The following CSMD1 variants were observed in gnomAD, a reference collection of about 807,000 sequenced individuals.
CSMD1 encodes CUB and sushi domain-containing protein 1.
Under a neutral mutation model 417.5 loss-of-function variants are expected in CSMD1, and 213 were observed. The ratio of observed to expected loss-of-function variants is 0.51; its 90% CI spans 0.46 to 0.57. CSMD1 has a LOEUF of 0.57. Ranked by LOEUF, CSMD1 falls within the 20% of genes least tolerant of loss-of-function variation. CSMD1 has a pLI of 0.00. For synonymous variants in CSMD1, 2,862 were observed against 1,736.8 expected (o/e 1.65, Z -16.11); for missense variants, 6,923 against 4,529.7 (o/e 1.53, Z -15.17).
chr8:3,538,522 C>T (rs1585326452), intron 10 of CSMD1, among the ~76,000 whole-genome samples: 2 of 151,706 alleles, frequency 1.3e-5, no homozygotes, highest in Non-Finnish European at 1.5e-5. Context: ...GATGCCCCAC[C>T]TGCGATGCCT....
Position 4,994,336 on chromosome 8 carries a change from C to T in CSMD1, c.81G>A (p.Ala27=), listed in dbSNP as rs1422138241. 1.2e-6 allele frequency: 2 copies of T among 1,610,332 alleles called. No individual in the cohort carries two copies. The highest frequency in any genetic ancestry group is 1.7e-6 in the Non-Finnish European group (2 of 1,179,732). ...LVLCARLLTA[A]KGQNCGGLVQ... ...CCAGGAGCAAGTCCGTCTTACCCTTCGCTGCAGTGAGGAGCCTCGCGCACA... is the reference window on the plus strand; with the variant it reads ...CCAGGAGCAAGTCCGTCTTACCCTTTGCTGCAGTGAGGAGCCTCGCGCACA... Residue 27 remains alanine (A), a synonymous_variant, in exon 1 of 70, where the codon GCG becomes GCA. Transcript: ENST00000635120.
intron 8 of CSMD1, among the ~76,000 whole-genome samples, chr8:3,600,045 C>G (rs1348372224): frequency 1.3e-5 from 2 of 152,166 alleles, no homozygotes; most frequent in Non-Finnish European, 2.9e-5. Flanking sequence ...CAGCTCATCA[C>G]TAAGGGTAGA....
chr8:4,173,253 T>C (rs550989601), intron 3 of CSMD1, among the ~76,000 whole-genome samples: 3 of 152,266 alleles, frequency 2.0e-5, no homozygotes, highest in Non-Finnish European at 2.9e-5. Context: ...ACGCAACATT[T>C]GGAATGTAAT....
At chr8:3,494,679 G>T (rs1227620365) in intron 10 of CSMD1, among the ~76,000 whole-genome samples, 3 of 108,852 alleles carry the variant, frequency 2.8e-5, no homozygotes, top group Non-Finnish European at 6.1e-5. Context: ...ACGATACACA[G>T]ATACATGAAT....
At chr8:3,133,168 G>C (rs1232022844) in intron 41 of CSMD1, among the ~76,000 whole-genome samples, 4 of 152,130 alleles carry the variant, frequency 2.6e-5, no homozygotes, top group African/African-American at 9.7e-5. Context: ...CCTGGGGGAG[G>C]CCGACCTGGG....
chr8:3,726,140 T>C (rs11785705), intron 6 of CSMD1, among the ~76,000 whole-genome samples: 100,977 of 151,822 alleles, frequency 0.67, 35,531 homozygotes, highest in Non-Finnish European at 0.79. Flanking sequence ...CCAACAGCCA[T>C]GCAGGCACCG....
At chr8:3,193,074 ATC>A (rs1302066522) in intron 33 of CSMD1, among the ~76,000 whole-genome samples, 5 of 152,176 alleles carry the variant, frequency 3.3e-5, no homozygotes, top group African/African-American at 1.2e-4. Flanking sequence ...GGTTGCACTT[ATC>A]TAAGAGGCTT....
At chr8:4,182,868 C>G (rs947524945) in intron 3 of CSMD1, among the ~76,000 whole-genome samples, 1 of 152,002 alleles carries the variant, frequency 6.6e-6, no homozygotes, top group Non-Finnish European at 1.5e-5. Context: ...TAGCATCAAA[C>G]TCAGAGTCTA....
At chr8:3,423,350 C>G (rs574057454) in intron 12 of CSMD1, among the ~76,000 whole-genome samples, 1 of 152,286 alleles carries the variant, frequency 6.6e-6, no homozygotes, top group Non-Finnish European at 1.5e-5. Context: ...CTTTCCCTTG[C>G]TCCTGGCAAC....
At chr8:3,450,733 G>C (rs185470573) in intron 12 of CSMD1, among the ~76,000 whole-genome samples, 4,473 of 152,054 alleles carry the variant, frequency 0.029, 117 homozygotes, top group East Asian at 0.11. Context: ...ATTTGGGTTG[G>C]TTCCAAGTCT....
intron 1 of CSMD1, among the ~76,000 whole-genome samples, chr8:4,891,745 T>C (rs1385496101): frequency 2.0e-5 from 3 of 152,134 alleles, no homozygotes; most frequent in African/African-American, 7.3e-5. Context: ...GAATTAATTA[T>C]TTCCCAAAAC....
At chr8:3,912,818 T>A (rs1198426898) in intron 5 of CSMD1, among the ~76,000 whole-genome samples, 1 of 152,128 alleles carries the variant, frequency 6.6e-6, no homozygotes, top group Non-Finnish European at 1.5e-5. Context: ...TGGTAGGATT[T>A]TATGATTTAA....
At chr8:3,467,035 C>A (rs1187838771) in intron 12 of CSMD1, among the ~76,000 whole-genome samples, 1 of 152,172 alleles carries the variant, frequency 6.6e-6, no homozygotes, top group Non-Finnish European at 1.5e-5. Flanking sequence ...TGGCCATTCA[C>A]GTTTTTATGA....
Position 3,345,237 on chromosome 8 carries a change from C to T in CSMD1, c.3475-1787G>A, listed in dbSNP as rs140425265. ...CTCATGAGGACTTGACCAAGCGCAC[C>T]GTGGATCCCTGAGAGATTGCACCTT... is the stretch of plus-strand genomic sequence containing the variant. On this transcript the variant is annotated intron_variant, in intron 22 of 69. Coordinates refer to ENST00000635120, the MANE Select transcript of CSMD1 (RefSeq NM_033225.6). Among the ~76,000 whole-genome samples the T allele has an allele frequency of 3.4e-3, 515 of 152,262 alleles. 2 individuals are homozygous for T. Among genetic ancestry groups the T allele is most frequent in the African/African-American group, 0.011 (458 of 41,550 alleles).
At chr8:3,506,097 G>A (rs1427371347) in intron 10 of CSMD1, among the ~76,000 whole-genome samples, 1 of 152,162 alleles carries the variant, frequency 6.6e-6, no homozygotes, top group Non-Finnish European at 1.5e-5. Context: ...TTCTCATAAG[G>A]AGGTGTCTCA....
At chr8:4,335,258 A>G (rs1401603524) in intron 3 of CSMD1, among the ~76,000 whole-genome samples, 7 of 152,050 alleles carry the variant, frequency 4.6e-5, no homozygotes, top group African/African-American at 1.7e-4. Flanking sequence ...CACCCTTATG[A>G]CCTAACCACC....
At chr8:3,738,952 G>C (rs1371881349) in intron 6 of CSMD1, among the ~76,000 whole-genome samples, 1 of 152,126 alleles carries the variant, frequency 6.6e-6, no homozygotes, top group East Asian at 1.9e-4. Context: ...ATATTTGTAT[G>C]CACAAAAAGG....
intron 57 of CSMD1, among the ~76,000 whole-genome samples, chr8:2,969,553 T>C (rs1025531672): frequency 6.6e-6 from 1 of 152,226 alleles, no homozygotes; most frequent in African/African-American, 2.4e-5. Flanking sequence ...TTATAATTTA[T>C]TCAATTTACC....
At chr8:3,740,496 C>T (rs1796742799) in intron 6 of CSMD1, among the ~76,000 whole-genome samples, 2 of 152,148 alleles carry the variant, frequency 1.3e-5, no homozygotes, top group Admixed American at 1.3e-4. Context: ...CGGTAAAATA[C>T]TCAGAGGAGG....
Sources: allele counts gnomAD v4.1 joint callset (sites outside exome capture counted in the v4.1 genomes callset), GRCh38; gene constraint gnomAD v4.1.1; transcripts MANE v1.5; gene names NCBI Gene and HGNC (gene_info 2026-07-23, HGNC 2026-07-21).